The following TMEM178A variants were observed in gnomAD, a reference collection of about 807,000 sequenced individuals.
The protein encoded by TMEM178A is transmembrane protein 178.
TMEM178A carries 12 observed loss-of-function variants against 29.1 expected under a neutral mutation model. The ratio of observed to expected loss-of-function variants is 0.41; its 90% CI spans 0.26 to 0.67. The LOEUF (loss-of-function observed/expected upper bound fraction) is 0.67. TMEM178A is among the 30% of genes least tolerant of loss of function. The pLI, the probability that TMEM178A is intolerant of heterozygous loss-of-function variation, is 0.29. For missense variants in TMEM178A, 366 were observed against 419.1 expected (o/e 0.87, Z 1.11); for synonymous variants, 210 against 187.2 (o/e 1.12, Z -0.99).
At chr2:39,708,952 A>G (rs540661423) in intron 3 of TMEM178A, among the ~76,000 whole-genome samples, 5 of 152,240 alleles carry the variant, frequency 3.3e-5, no homozygotes, top group Non-Finnish European at 7.3e-5. Context: ...AGTTTCACAC[A>G]GTATACTCAG....
At position 39,714,176 on chromosome 2, in the gene TMEM178A, T is replaced by C. The variant is rs546126767; in HGVS notation, c.653-2834T>C. Reference sequence around the variant, plus strand: ...ACTAAGAACAACTTCGAGAGCACTTTGAAAGGAGAAGAGATGTTACAGAAG... The same window carrying C: ...ACTAAGAACAACTTCGAGAGCACTTCGAAAGGAGAAGAGATGTTACAGAAG... On this transcript the variant is annotated intron_variant, in intron 3 of 3. Transcript: ENST00000281961. Among the ~76,000 whole-genome samples the C allele has an allele frequency of 2.0e-5, 3 of 152,212 alleles. No individual in the cohort carries two copies. The East Asian group carries it at 5.8e-4, about 29-fold the overall frequency.
In TMEM178A at chr2:39,714,844, T is replaced by C. The variant is rs142576585; in HGVS notation, c.653-2166T>C. Reference sequence around the variant, plus strand: ...ATCAGAGGGAGTATATACAGAAAGATAGATACATAGGACATTCCATTTTCA... The same window carrying C: ...ATCAGAGGGAGTATATACAGAAAGACAGATACATAGGACATTCCATTTTCA... On this transcript the variant is annotated intron_variant, in intron 3 of 3. Transcript: ENST00000281961. Among the ~76,000 whole-genome samples, 492 of 152,282 alleles carry C rather than the reference T, an allele frequency of 3.2e-3. 2 individuals carry two copies. Among genetic ancestry groups the C allele is most frequent in the African/African-American group, 0.011 (450 of 41,572 alleles).
Position 39,665,943 on chromosome 2 carries a change from GC to G in TMEM178A, c.-29del, listed in dbSNP as rs1034609527. 5.2e-6 allele frequency: 7 copies of G among 1,343,092 alleles called. No individual in the cohort carries two copies. In the African/African-American group the frequency reaches 9.2e-5, roughly 18 times the overall value. 83.2% of individuals were successfully genotyped at this position (1,343,092 alleles called of 1,614,324 possible). Reference sequence around the variant, plus strand: ...CATTGTGTCTGGCGGCGGCGCGCGAGCCCACCGGCGGCTGCGGCGGGGCGGG... The same window carrying G: ...CATTGTGTCTGGCGGCGGCGCGCGAGCCACCGGCGGCTGCGGCGGGGCGGG... On this transcript the variant is annotated 5_prime_UTR_variant, in exon 1 of 4. Transcript: ENST00000281961.
At chr2:39,719,288 A>G (rs1672654885), downstream of TMEM178A, among the ~76,000 whole-genome samples, 2 of 152,344 alleles carry the variant, frequency 1.3e-5, no homozygotes, top group East Asian at 3.9e-4. Flanking sequence ...CCAACCAACA[A>G]AGCAGTGTCT....
the TMEM178A span, among the ~76,000 whole-genome samples, chr2:39,735,552 CT>C: frequency 6.6e-6 from 1 of 152,294 alleles, no homozygotes; most frequent in East Asian, 1.9e-4. Context: ...TTCTCACTGC[CT>C]TTAACCCAAG....
At chr2:39,725,137 A>C in the TMEM178A span, among the ~76,000 whole-genome samples, 58 of 152,258 alleles carry the variant, frequency 3.8e-4, no homozygotes, top group African/African-American at 1.4e-3. Context: ...TGAAATGAAG[A>C]TGAGGAAAGA....
At chr2:39,685,859 G>A (rs1395980669) in intron 1 of TMEM178A, among the ~76,000 whole-genome samples, 4 of 152,212 alleles carry the variant, frequency 2.6e-5, no homozygotes, top group Non-Finnish European at 4.4e-5. Context: ...GAACATGCCA[G>A]GCCATCTCTG....
intron 1 of TMEM178A, among the ~76,000 whole-genome samples, chr2:39,678,886 A>G (rs879301813): frequency 2.0e-5 from 3 of 152,278 alleles, no homozygotes; most frequent in Admixed American, 6.5e-5. Flanking sequence ...GCACTTTCGT[A>G]TCTCTGTGTC....
chr2:39,704,665 A>G (rs1054113654), intron 2 of TMEM178A, among the ~76,000 whole-genome samples: 1 of 152,218 alleles, frequency 6.6e-6, no homozygotes, highest in African/African-American at 2.4e-5. Flanking sequence ...CTACATCTCA[A>G]TGAAAGGAAC....
chr2:39,730,045 C>G, the TMEM178A span, among the ~76,000 whole-genome samples: 1 of 152,154 alleles, frequency 6.6e-6, no homozygotes, highest in Non-Finnish European at 1.5e-5. Context: ...ACACTGGGTT[C>G]TAGACATACC....
the TMEM178A span, among the ~76,000 whole-genome samples, chr2:39,727,691 A>G: frequency 6.6e-6 from 1 of 151,824 alleles, no homozygotes; most frequent in East Asian, 1.9e-4. Flanking sequence ...GCATTAGGTA[A>G]TTCTCCTAAT....
intron 1 of TMEM178A, among the ~76,000 whole-genome samples, chr2:39,700,643 G>A (rs1671741386): frequency 6.6e-6 from 1 of 151,598 alleles, no homozygotes; most frequent in Non-Finnish European, 1.5e-5. Context: ...CTTTTTATTG[G>A]AGTATATATT....
At chr2:39,720,329 C>G (rs996890426), downstream of TMEM178A, among the ~76,000 whole-genome samples, 1 of 152,110 alleles carries the variant, frequency 6.6e-6, no homozygotes, top group Non-Finnish European at 1.5e-5. Flanking sequence ...CCTGGGAACC[C>G]GGGACTCAGG....
rs1177302459 is a variant in TMEM178A, at chr2:39,716,223, C to T, written c.653-787C>T. 2.0e-5 allele frequency among the ~76,000 whole-genome samples: 3 copies of T among 152,342 alleles called. No individual in the cohort carries two copies. In the South Asian group the frequency reaches 6.2e-4, roughly 32 times the overall value. On this transcript the variant is annotated intron_variant, in intron 3 of 3. Transcript: ENST00000281961. Reference sequence around the variant, plus strand: ...AGGGTCCATTGCGGTGGAATAGAAGCACCTATATCCACATGAATTGAGTAC... The same window carrying T: ...AGGGTCCATTGCGGTGGAATAGAAGTACCTATATCCACATGAATTGAGTAC...
At chr2:39,724,752 G>C in the TMEM178A span, among the ~76,000 whole-genome samples, 3,666 of 152,226 alleles carry the variant, frequency 0.024, 159 homozygotes, top group African/African-American at 0.084. Flanking sequence ...GAGGAACAGA[G>C]ACTCAGAGCA....
In TMEM178A at chr2:39,709,565, G is replaced by T. The variant is rs143795928; in HGVS notation, c.652+2379G>T. ...ATCCAAATTATAGACTAAAGCAGAC[G>T]CGGGCAGCAAAGAACCAGAGAGGAC... On this transcript the variant is annotated intron_variant, in intron 3 of 3. Transcript: ENST00000281961. Among the ~76,000 whole-genome samples the T allele has an allele frequency of 3.7e-3, 564 of 152,266 alleles. 4 individuals are homozygous for T. Among genetic ancestry groups the T allele is most frequent in the African/African-American group, 0.013 (525 of 41,558 alleles).
chr2:39,704,255 C>G, intron 2 of TMEM178A, 61 bp downstream of exon 2: 1 of 1,356,636 alleles, frequency 7.4e-7, no homozygotes, highest in Non-Finnish European at 1.0e-6. Flanking sequence ...AAATTCCCAC[C>G]ACCCCTCTCA....
chr2:39,703,120 A>G (rs992526443), intron 1 of TMEM178A, among the ~76,000 whole-genome samples: 5 of 152,228 alleles, frequency 3.3e-5, no homozygotes, highest in Non-Finnish European at 7.3e-5. Context: ...ATTTGCATCT[A>G]TGAAGATTTT....
chr2:39,685,419 C>T (rs1671035545), intron 1 of TMEM178A, among the ~76,000 whole-genome samples: 1 of 152,204 alleles, frequency 6.6e-6, no homozygotes, highest in East Asian at 1.9e-4. Flanking sequence ...TCCTTTATGT[C>T]AGAGTTGTAA....
Sources: gnomAD v4.1 joint callset for allele counts (sites outside exome capture counted in the v4.1 genomes callset) on GRCh38, gnomAD v4.1.1 for gene constraint, MANE v1.5 for transcripts, NCBI Gene and HGNC (gene_info 2026-07-23, HGNC 2026-07-21) for gene names.